Variants in PIGL observed in about 807,000 individuals in gnomAD.
PIGL encodes N-acetylglucosaminyl-phosphatidylinositol de-N-acetylase.
In PIGL, 22 loss-of-function variants were observed where a neutral mutation model predicts 31.1. The ratio of observed to expected loss-of-function variants is 0.71; its 90% CI spans 0.51 to 1.01. PIGL has a LOEUF of 1.01. PIGL is among the 50% of genes least tolerant of loss of function. The pLI, the probability that PIGL is intolerant of heterozygous loss-of-function variation, is 0.00. For synonymous variants in PIGL, 131 were observed against 117.4 expected (o/e 1.12, Z -0.75); for missense variants, 302 against 315.9 (o/e 0.96, Z 0.33).
chr17:16,247,717 G>A (rs2092754536), intron 2 of PIGL, among the ~76,000 whole-genome samples: 1 of 152,134 alleles, frequency 6.6e-6, no homozygotes, highest in South Asian at 2.1e-4. Flanking sequence ...TCTGTTGTCT[G>A]GTCCTGTAGA....
chr17:16,285,794 C>G (rs1375132558), intron 2 of PIGL, among the ~76,000 whole-genome samples: 1 of 152,012 alleles, frequency 6.6e-6, no homozygotes, highest in African/African-American at 2.4e-5. Flanking sequence ...TATCTTTTCC[C>G]CTATTTCTTT....
chr17:16,318,792 G>A (rs1056672025), intron 6 of PIGL, among the ~76,000 whole-genome samples: 1 of 151,456 alleles, frequency 6.6e-6, no homozygotes, highest in African/African-American at 2.4e-5. Context: ...TTAGCCAGGC[G>A]TGGTGGCATG....
intron 2 of PIGL, among the ~76,000 whole-genome samples, chr17:16,261,332 GC>G (rs1568805241): frequency 6.6e-6 from 1 of 152,140 alleles, no homozygotes; most frequent in African/African-American, 2.4e-5. Context: ...GAGGTTTCTA[GC>G]TGGCGAAGCA....
chr17:16,289,695 G>A (rs2142813681), intron 2 of PIGL, among the ~76,000 whole-genome samples: 1 of 152,334 alleles, frequency 6.6e-6, no homozygotes. Context: ...CAAGGGAATT[G>A]CGCCAGAATA....
At chr17:16,234,600 A>G (rs2092692162) in intron 2 of PIGL, among the ~76,000 whole-genome samples, 1 of 152,144 alleles carries the variant, frequency 6.6e-6, no homozygotes, top group African/African-American at 2.4e-5. Context: ...CCCCGCATCT[A>G]CTAAAACTAC....
chr17:16,270,849 C>T (rs1215150310), intron 2 of PIGL, among the ~76,000 whole-genome samples: 6 of 151,148 alleles, frequency 4.0e-5, no homozygotes, highest in African/African-American at 4.9e-5. Context: ...GCCGAGATCG[C>T]GCAACTGCAT....
intron 2 of PIGL, among the ~76,000 whole-genome samples, chr17:16,267,196 T>A (rs1442716756): frequency 6.6e-6 from 1 of 152,136 alleles, no homozygotes; most frequent in Non-Finnish European, 1.5e-5. Context: ...TACAATAAAG[T>A]AAGCTAGAGA....
intron 2 of PIGL, among the ~76,000 whole-genome samples, chr17:16,246,702 G>A (rs1239896947): frequency 9.9e-5 from 4 of 40,420 alleles, no homozygotes; most frequent in South Asian, 5.6e-4. Flanking sequence ...TTTTTGAGAC[G>A]GAGTCTCGCT....
intron 1 of PIGL, among the ~76,000 whole-genome samples, chr17:16,219,455 G>T (rs1340248268): frequency 2.6e-5 from 4 of 152,112 alleles, no homozygotes; most frequent in Non-Finnish European, 4.4e-5. Context: ...ATTAAGAATT[G>T]GAGCCCAAGC....
chr17:16,259,855 C>T (rs1206856412), intron 2 of PIGL, among the ~76,000 whole-genome samples: 1 of 152,218 alleles, frequency 6.6e-6, no homozygotes, highest in East Asian at 1.9e-4. Context: ...AGCCAACCAG[C>T]TGTAGCTGTG....
rs1055559435 is a variant in PIGL at position 16,274,489 on chromosome 17, G to A, written c.336-25399G>A. ...TGTAATCCCAGCACTTTGGGAGGCCGAGGCGGGTGGATCACCTGAGGTCAG... is the reference window on the plus strand; with the variant it reads ...TGTAATCCCAGCACTTTGGGAGGCCAAGGCGGGTGGATCACCTGAGGTCAG... On this transcript the variant is annotated intron_variant, in intron 2 of 6. Coordinates refer to ENST00000225609, the MANE Select transcript of PIGL (RefSeq NM_004278.4). 6.6e-5 allele frequency among the ~76,000 whole-genome samples: 10 copies of A among 152,206 alleles called. No individual in the cohort carries two copies. In the East Asian group the frequency reaches 7.7e-4, roughly 12 times the overall value.
intron 2 of PIGL, among the ~76,000 whole-genome samples, chr17:16,298,142 G>A (rs929779982): frequency 6.6e-6 from 1 of 152,100 alleles, no homozygotes; most frequent in African/African-American, 2.4e-5. Flanking sequence ...CTGCCATAAG[G>A]GGTTGGCAGA....
At chr17:16,259,793 G>A (rs1347534060) in intron 2 of PIGL, among the ~76,000 whole-genome samples, 1 of 152,150 alleles carries the variant, frequency 6.6e-6, no homozygotes, top group Non-Finnish European at 1.5e-5. Context: ...CGGAAGCCAA[G>A]AACAGGCGGG....
intron 6 of PIGL, among the ~76,000 whole-genome samples, chr17:16,321,237 CT>C (rs772667855): frequency 0.012 from 1,438 of 119,802 alleles, 16 homozygotes; most frequent in African/African-American, 0.038. Context: ...TGCGCCGGGC[CT>C]TTTTTTTTTT....
chr17:16,304,701 G>A (rs942532391), intron 3 of PIGL, among the ~76,000 whole-genome samples: 1 of 152,162 alleles, frequency 6.6e-6, no homozygotes, highest in South Asian at 2.1e-4. Context: ...TGTTAAGCAG[G>A]CTAGGTCCTG....
At chr17:16,267,518 G>A (rs1019449910) in intron 2 of PIGL, among the ~76,000 whole-genome samples, 1 of 152,068 alleles carries the variant, frequency 6.6e-6, no homozygotes, top group East Asian at 1.9e-4. Flanking sequence ...TATTGTCGGG[G>A]TTCTTTAGCC....
intron 2 of PIGL, among the ~76,000 whole-genome samples, chr17:16,280,833 T>G (rs995206683): frequency 1.3e-5 from 2 of 152,130 alleles, no homozygotes; most frequent in African/African-American, 4.8e-5. Flanking sequence ...GCCTCCTGAG[T>G]AGCTGGGATT....
At position 16,317,778 on chromosome 17, in the gene PIGL, G is replaced by T; in HGVS notation, c.530G>T (p.Cys177Phe). 1 of 1,613,940 alleles carries T rather than the reference G, an allele frequency of 6.2e-7. No homozygotes were observed. Among genetic ancestry groups the T allele is most frequent in the Non-Finnish European group, 8.5e-7 (1 of 1,180,026 alleles). ...LHSEGKLPKG[C>F]SVLTLQSVNV... ...ACCCTGTCTCCTCTCCATCCAGGGT[G>T]CTCTGTGCTCACGCTTCAGTCTGTG... Residue 177 changes from cysteine (C) to phenylalanine (F), a missense_variant, in exon 6 of 7, where the codon TGC becomes TTC. Coordinates refer to ENST00000225609, the MANE Select transcript of PIGL (RefSeq NM_004278.4).
At chr17:16,237,292 G>A (rs1246218398) in intron 2 of PIGL, among the ~76,000 whole-genome samples, 1 of 151,478 alleles carries the variant, frequency 6.6e-6, no homozygotes, top group East Asian at 2.0e-4. Context: ...ATCTTTAGTA[G>A]AGAAGGGGTT....
Sources: gnomAD v4.1 joint callset for allele counts (sites outside exome capture counted in the v4.1 genomes callset) on GRCh38, gnomAD v4.1.1 for gene constraint, MANE v1.5 for transcripts, NCBI Gene and HGNC (gene_info 2026-07-23, HGNC 2026-07-21) for gene names.